The following RRP15 variants were observed in gnomAD, a reference collection of about 807,000 sequenced individuals.
The protein encoded by RRP15 is ribosomal RNA processing 15 homolog.
RRP15 carries 18 observed loss-of-function variants against 27.1 expected under a neutral mutation model. The ratio of observed to expected loss-of-function variants is 0.66; its 90% CI spans 0.46 to 0.98. The LOEUF (loss-of-function observed/expected upper bound fraction) is 0.98, where lower values mean the gene tolerates loss of function less well. Ranked by LOEUF, RRP15 falls within the 50% of genes least tolerant of loss-of-function variation. The pLI, the probability that RRP15 is intolerant of heterozygous loss-of-function variation, is 0.00. For synonymous variants in RRP15, 107 were observed against 109.4 expected (o/e 0.98, Z 0.14); for missense variants, 359 against 337.8 (o/e 1.06, Z -0.49).
At chr1:218,288,001 C>G (rs1301427525) in intron 1 of RRP15, among the ~76,000 whole-genome samples, 1 of 152,112 alleles carries the variant, frequency 6.6e-6, no homozygotes, top group Non-Finnish European at 1.5e-5. Flanking sequence ...CTATTTCAGA[C>G]AAAGTAATCT....
At chr1:218,324,555 C>T (rs1656241591) in intron 4 of RRP15, among the ~76,000 whole-genome samples, 1 of 152,270 alleles carries the variant, frequency 6.6e-6, no homozygotes, top group Non-Finnish European at 1.5e-5. Context: ...GTGATGGCAG[C>T]AGCCACTCCG....
chr1:218,304,120 G>T (rs1332053610), intron 2 of RRP15, among the ~76,000 whole-genome samples: 1 of 152,110 alleles, frequency 6.6e-6, no homozygotes, highest in African/African-American at 2.4e-5. Context: ...TATAGTGAGC[G>T]CAAGAATTTG....
At chr1:218,308,062 CTTTTTTTT>C (rs56813511) in intron 4 of RRP15, among the ~76,000 whole-genome samples, 24 of 66,924 alleles carry the variant, frequency 3.6e-4, no homozygotes, top group Admixed American at 1.3e-3. Context: ...TTCTTTCTTT[CTTTTTTTT>C]TTTTTTTTTT....
At chr1:218,325,380 C>T (rs1409049959) in intron 4 of RRP15, among the ~76,000 whole-genome samples, 1 of 152,158 alleles carries the variant, frequency 6.6e-6, no homozygotes, top group African/African-American at 2.4e-5. Context: ...GGAGAACATC[C>T]TCAGTGTCCT....
intron 4 of RRP15, among the ~76,000 whole-genome samples, chr1:218,324,897 G>T (rs1291161322): frequency 1.3e-5 from 2 of 152,014 alleles, no homozygotes; most frequent in Non-Finnish European, 2.9e-5. Flanking sequence ...GAAGTCAAAT[G>T]ATCTGAAGTG....
rs575973521 is a variant in RRP15, at chr1:218,307,335, T to A, written c.504-96T>A. On this transcript the variant is annotated intron_variant, in intron 3 of 4. Coordinates refer to ENST00000366932, the MANE Select transcript of RRP15 (RefSeq NM_016052.4). ...TGAGTACTTGTTAAATGCTTGCCTCTTTTCTAGACAGTGAAAATACATTTT... is the reference window on the plus strand; with the variant it reads ...TGAGTACTTGTTAAATGCTTGCCTCATTTCTAGACAGTGAAAATACATTTT... 1.6e-5 allele frequency: 17 copies of A among 1,062,874 alleles called. No individual in the cohort carries two copies. The African/African-American group carries it at 2.3e-4, about 14-fold the overall frequency. The allele number at this position is 1,062,874 out of a possible 1,614,324, so 65.8% of individuals were successfully genotyped here.
intron 1 of RRP15, among the ~76,000 whole-genome samples, chr1:218,291,819 C>T (rs189910134): frequency 3.3e-5 from 5 of 150,492 alleles, no homozygotes; most frequent in East Asian, 4.0e-4. Context: ...CGTGAGCCAC[C>T]GCGGCTGGCC....
intron 4 of RRP15, among the ~76,000 whole-genome samples, chr1:218,323,041 G>A (rs1016383578): frequency 2.6e-5 from 4 of 152,258 alleles, no homozygotes; most frequent in African/African-American, 9.6e-5. Context: ...TTCCATGGCC[G>A]ACACCAGGGA....
intron 4 of RRP15, among the ~76,000 whole-genome samples, chr1:218,320,754 CAAAAA>C (rs1052432037): frequency 1.4e-5 from 2 of 145,504 alleles, no homozygotes; most frequent in African/African-American, 5.0e-5. Flanking sequence ...TAAAACAAAA[CAAAAA>C]AAAAATCAGT....
intron 3 of RRP15, 61 bp from the exon 4 acceptor site, chr1:218,307,370 C>G: frequency 7.1e-7 from 1 of 1,417,626 alleles, no homozygotes; most frequent in Non-Finnish European, 9.7e-7. Context: ...TTCCTATCCT[C>G]AGAGTTTGTA....
In RRP15 at chr1:218,307,601, C is replaced by T. The variant is rs1384703385; in HGVS notation, c.674C>T (p.Ala225Val). ...ATGGATGGAAGTACAAATGAGACTG[C>T]TTCAAGCAGGAAGAAACCAAAAGCC... is the stretch of plus-strand genomic sequence containing the variant. ...RGMDGSTNET[A>V]SSRKKPKAKQ... The change falls in exon 4 of 5, where the codon GCT becomes GTT. Residue 225 changes from alanine (A) to valine (V), a missense_variant. By Grantham distance (64) the Ala-to-Val change is moderately conservative. Transcript: ENST00000366932. 4.3e-6 allele frequency: 7 copies of T among 1,613,806 alleles called. No individual in the cohort carries two copies. Among genetic ancestry groups the T allele is most frequent in the Non-Finnish European group, 5.9e-6 (7 of 1,179,894 alleles).
Position 218,305,087 on chromosome 1 carries a change from CAA to C in RRP15, c.467_468del (p.Lys156ArgfsTer19), listed in dbSNP as rs776666176. The C allele has an allele frequency of 3.7e-6, 6 of 1,613,590 alleles. No individual in the cohort carries two copies. In the African/African-American group the frequency reaches 8.0e-5, roughly 22 times the overall value. On this transcript the variant is annotated frameshift_variant, in exon 3 of 5. Coordinates refer to ENST00000366932, the MANE Select transcript of RRP15 (RefSeq NM_016052.4). LOFTEE classifies it high-confidence loss of function. ...GAGTAAAGCCAGATGTTGTCCAAGA[CAA>C]AGAGACAGAGAGAAATCTTCAGAGA... The part of the protein sequence containing the change: ...CRVKPDVVQD[K>X]ETERNLQRIA...
rs1458447935 is a variant in RRP15 at position 218,302,456 on chromosome 1, A to G, written c.302A>G (p.Asn101Ser). The change falls in exon 2 of 5, where the codon AAC (asparagine) becomes AGC (serine). Residue 101 changes from asparagine (N) to serine (S), a missense_variant. Coordinates refer to ENST00000366932, the MANE Select transcript of RRP15 (RefSeq NM_016052.4). Reference sequence around the variant, plus strand: ...GCAGATGCTATGGCTAAAGTCCTCAACAAGAAAACTCCTGAAAGTAAACCT... The same window carrying G: ...GCAGATGCTATGGCTAAAGTCCTCAGCAAGAAAACTCCTGAAAGTAAACCT... ...GWADAMAKVL[N>S]KKTPESKPTI... 3 of 1,614,046 alleles carry G rather than the reference A, an allele frequency of 1.9e-6. No homozygotes were observed. The highest frequency in any genetic ancestry group is 1.3e-5 in the African/African-American group (1 of 74,926).
At chr1:218,317,563 A>G (rs1197051140) in intron 4 of RRP15, among the ~76,000 whole-genome samples, 1 of 152,230 alleles carries the variant, frequency 6.6e-6, no homozygotes. Flanking sequence ...TCAAGTTATG[A>G]AACTCATAAA....
chr1:218,315,508 A>T (rs1032044513), intron 4 of RRP15, among the ~76,000 whole-genome samples: 1 of 151,596 alleles, frequency 6.6e-6, no homozygotes, highest in Non-Finnish European at 1.5e-5. Flanking sequence ...GCTTACTGCA[A>T]CCTCTGCCTC....
chr1:218,286,041 C>T (rs1239120919), intron 1 of RRP15, among the ~76,000 whole-genome samples: 4 of 152,114 alleles, frequency 2.6e-5, no homozygotes, highest in African/African-American at 9.7e-5. Flanking sequence ...GTCTGTTGCT[C>T]CTCTTTACCA....
chr1:218,293,874 T>TA (rs1322973274), intron 1 of RRP15, among the ~76,000 whole-genome samples: 2 of 152,156 alleles, frequency 1.3e-5, no homozygotes, highest in Non-Finnish European at 2.9e-5. Context: ...TAGTACTTGA[T>TA]ATCCATTTAT....
At position 218,307,580 on chromosome 1, in the gene RRP15, A is replaced by T. The variant is rs1655919702; in HGVS notation, c.653A>T (p.Asp218Val). 5 of 1,614,046 alleles carry T rather than the reference A, an allele frequency of 3.1e-6. No individual in the cohort carries two copies. The highest frequency in any genetic ancestry group is 4.2e-6 in the Non-Finnish European group (5 of 1,179,982). ...KDFISVLRGM[D>V]GSTNETASSR... ...TTCATCAGTGTTTTGAGAGGGATGG[A>T]TGGAAGTACAAATGAGACTGCTTCA... The change falls in exon 4 of 5, where the codon GAT (aspartate) becomes GTT (valine). Residue 218 changes from aspartate (D) to valine (V), a missense_variant. Transcript: ENST00000366932.
Position 218,302,353 on chromosome 1 carries a change from A to C in RRP15, c.199A>C (p.Ser67Arg). ...TGATGATGACGCAATAGAAGCTGAC[A>C]GTGAGGGTGATGCTGAGCCCTGTGA... is the stretch of plus-strand genomic sequence containing the variant. The part of the protein sequence containing the change: ...YSDDDAIEAD[S>R]EGDAEPCDKE... The change falls in exon 2 of 5, where the codon AGT becomes CGT. Residue 67 changes from serine to arginine, a missense_variant. Physicochemically the swap from Ser to Arg is moderately radical, Grantham distance 110. Coordinates refer to ENST00000366932, the MANE Select transcript of RRP15 (RefSeq NM_016052.4). 3.7e-6 allele frequency: 6 copies of C among 1,614,106 alleles called. No homozygotes were observed. The highest frequency in any genetic ancestry group is 5.1e-6 in the Non-Finnish European group (6 of 1,179,980).
Sources: gnomAD v4.1 joint callset for allele counts (sites outside exome capture counted in the v4.1 genomes callset) on GRCh38, gnomAD v4.1.1 for gene constraint, MANE v1.5 for transcripts, NCBI Gene and HGNC (gene_info 2026-07-23, HGNC 2026-07-21) for gene names.